ADGRF5: variants seen among roughly 807,000 people sequenced by gnomAD.
ADGRF5 encodes the protein adhesion G protein-coupled receptor F5, also known as G-protein coupled receptor 116.
ADGRF5 carries 75 observed loss-of-function variants against 132.3 expected under a neutral mutation model. The observed-to-expected ratio is 0.57, with a 90% CI of 0.47 to 0.69. The LOEUF is 0.69. Ranked by LOEUF, ADGRF5 falls within the 30% of genes least tolerant of loss-of-function variation. ADGRF5 has a pLI of 0.00. For synonymous variants in ADGRF5, 629 were observed against 597.6 expected (o/e 1.05, Z -0.77); for missense variants, 1,516 against 1,630.6 (o/e 0.93, Z 1.21).
chr6:46,878,146 C>G, intron 10 of ADGRF5, 56 bp downstream of exon 10: 1 of 1,100,072 alleles, frequency 9.1e-7, no homozygotes, highest in Non-Finnish European at 1.4e-6. Context: ...TCTCCCATTT[C>G]TACTTGGCCA....
At chr6:46,888,273 C>T (rs1773259152) in intron 4 of ADGRF5, 62 bp downstream of exon 4, 2 of 1,197,580 alleles carry the variant, frequency 1.7e-6, no homozygotes, top group Non-Finnish European at 1.2e-6. Flanking sequence ...TACTCAGGAG[C>T]TCAGACAGTC....
At chr6:46,903,270 A>G (rs1424048379) in intron 2 of ADGRF5, among the ~76,000 whole-genome samples, 2 of 152,106 alleles carry the variant, frequency 1.3e-5, no homozygotes, top group East Asian at 3.9e-4. Flanking sequence ...TTCAGACAAG[A>G]AAACAGAGCT....
intron 1 of ADGRF5, among the ~76,000 whole-genome samples, chr6:46,943,946 C>T (rs1217107469): frequency 1.3e-5 from 2 of 152,190 alleles, no homozygotes; most frequent in Admixed American, 6.5e-5. Context: ...ACTGCAAAAT[C>T]ATTAACCTAC....
At chr6:46,943,040 A>T (rs980829105) in intron 1 of ADGRF5, among the ~76,000 whole-genome samples, 1 of 152,170 alleles carries the variant, frequency 6.6e-6, no homozygotes, top group African/African-American at 2.4e-5. Flanking sequence ...TAAAGTCTGC[A>T]TGTCCCTGAA....
upstream of ADGRF5, among the ~76,000 whole-genome samples, chr6:46,924,019 G>A (rs1328150368): frequency 6.6e-6 from 1 of 152,170 alleles, no homozygotes; most frequent in Non-Finnish European, 1.5e-5. Context: ...GTCTCTCATG[G>A]CTGTAAGGTA....
At chr6:46,894,724 G>A (rs1041711893) in intron 3 of ADGRF5, among the ~76,000 whole-genome samples, 1 of 152,180 alleles carries the variant, frequency 6.6e-6, no homozygotes, top group Admixed American at 6.5e-5. Context: ...GTAAATGAAA[G>A]GTAGTATTTT....
intron 1 of ADGRF5, 88 bp from the exon 2 acceptor site, chr6:46,906,874 T>C (rs1775432092): frequency 1.4e-6 from 1 of 700,374 alleles, no homozygotes; most frequent in Admixed American, 2.5e-5. Flanking sequence ...TTAAAGGTCA[T>C]CCTACACAAG....
At chr6:46,942,895 C>A (rs764210990) in intron 1 of ADGRF5, among the ~76,000 whole-genome samples, 2 of 152,070 alleles carry the variant, frequency 1.3e-5, no homozygotes, top group Non-Finnish European at 2.9e-5. Flanking sequence ...CTCATGCATG[C>A]GTGTGGATTT....
chr6:46,927,113 A>G (rs1243094497), intron 1 of ADGRF5, among the ~76,000 whole-genome samples: 6 of 152,124 alleles, frequency 3.9e-5, no homozygotes, highest in Admixed American at 2.6e-4. Context: ...CAGTGCTTCA[A>G]CATTTCCTTT....
At chr6:46,897,340 A>G (rs1177908871) in intron 3 of ADGRF5, among the ~76,000 whole-genome samples, 2 of 152,024 alleles carry the variant, frequency 1.3e-5, no homozygotes, top group East Asian at 3.9e-4. Context: ...AAAGAAAAAA[A>G]CTCCTGACCT....
intron 3 of ADGRF5, among the ~76,000 whole-genome samples, chr6:46,889,384 CTACA>C (rs1773400700): frequency 6.8e-6 from 1 of 146,046 alleles, no homozygotes. Flanking sequence ...TGTATAGAGA[CTACA>C]TAGTCTTTGT....
chr6:46,891,256 C>T (rs4714956), intron 3 of ADGRF5, among the ~76,000 whole-genome samples: 16,147 of 152,170 alleles, frequency 0.11, 1,101 homozygotes, highest in Admixed American at 0.2. Context: ...CTTTCTGATT[C>T]TCCAATGGTT....
chr6:46,929,718 T>G (rs1232021072), intron 1 of ADGRF5, among the ~76,000 whole-genome samples: 2 of 152,082 alleles, frequency 1.3e-5, no homozygotes, highest in Non-Finnish European at 2.9e-5. Context: ...TTCCTTATGA[T>G]GTCTGGCTCA....
chr6:46,911,007 C>T (rs1775891595), intron 1 of ADGRF5, among the ~76,000 whole-genome samples: 2 of 152,136 alleles, frequency 1.3e-5, no homozygotes, highest in African/African-American at 4.8e-5. Context: ...TGAGAATAAT[C>T]ATAACTATCT....
intron 10 of ADGRF5, among the ~76,000 whole-genome samples, chr6:46,873,454 T>C (rs557181114): frequency 2.6e-5 from 4 of 152,296 alleles, no homozygotes; most frequent in South Asian, 2.1e-4. Context: ...CAGCATCCCA[T>C]TCTCCTGACC....
intron 1 of ADGRF5, 89 bp downstream of exon 1, chr6:46,921,624 T>C (rs1019154347): frequency 6.6e-6 from 1 of 152,208 alleles, no homozygotes; most frequent in African/African-American, 2.4e-5. Context: ...AAGTGGAAGA[T>C]GTCTTAAGAG....
chr6:46,910,706 CA>C (rs1295016544), intron 1 of ADGRF5, among the ~76,000 whole-genome samples: 221 of 151,884 alleles, frequency 1.5e-3, no homozygotes, highest in African/African-American at 5.1e-3. Context: ...ACCAACCAAC[CA>C]AACAAACAAA....
chr6:46,953,527 C>T (rs939127444), intron 1 of ADGRF5, among the ~76,000 whole-genome samples: 6 of 151,026 alleles, frequency 4.0e-5, no homozygotes, highest in African/African-American at 1.2e-4. Context: ...GAGGCTGAGG[C>T]ACAAAGATCA....
chr6:46,948,388 C>A (rs1307944882), intron 1 of ADGRF5, among the ~76,000 whole-genome samples: 3 of 151,850 alleles, frequency 2.0e-5, no homozygotes, highest in Non-Finnish European at 4.4e-5. Flanking sequence ...ATGCCCATTT[C>A]ATCAATGAAT....
Sources: allele counts gnomAD v4.1 joint callset (sites outside exome capture counted in the v4.1 genomes callset), GRCh38; gene constraint gnomAD v4.1.1; transcripts MANE v1.5; gene names NCBI Gene and HGNC (gene_info 2026-07-23, HGNC 2026-07-21).